Variants in AFDN observed in about 807,000 individuals in gnomAD.
AFDN encodes afadin, adherens junction formation factor.
Under a neutral mutation model 216.6 loss-of-function variants are expected in AFDN, and 68 were observed. The observed-to-expected ratio is 0.31, with a 90% CI of 0.26 to 0.38. The LOEUF (loss-of-function observed/expected upper bound fraction) is 0.38. Ranked by LOEUF, AFDN falls within the 10% of genes least tolerant of loss-of-function variation. The probability of loss-of-function intolerance (pLI) is 1.00; values close to 1 mark genes in which losing one functional copy is unlikely to be tolerated. For missense variants in AFDN, 2,136 were observed against 2,342.0 expected (o/e 0.91, Z 1.82); for synonymous variants, 868 against 853.7 (o/e 1.02, Z -0.29).
At chr6:167,924,365 C>T (rs1000941477) in intron 22 of AFDN, among the ~76,000 whole-genome samples, 4 of 152,130 alleles carry the variant, frequency 2.6e-5, no homozygotes, top group African/African-American at 9.7e-5. Context: ...ATTTTGCTTT[C>T]TCATTCTTTG....
At chr6:167,848,892 A>G (rs1194360956) in intron 1 of AFDN, among the ~76,000 whole-genome samples, 1 of 152,238 alleles carries the variant, frequency 6.6e-6, no homozygotes, top group African/African-American at 2.4e-5. Flanking sequence ...ATTGTATAGT[A>G]CAATGATTAC....
intron 1 of AFDN, among the ~76,000 whole-genome samples, chr6:167,850,885 GT>G (rs1782222613): frequency 7.1e-6 from 1 of 140,270 alleles, no homozygotes; most frequent in South Asian, 2.2e-4. Flanking sequence ...TTTTTATTGT[GT>G]GTGTGTGTGT....
intron 27 of AFDN, 144 bp from the exon 28 acceptor site, chr6:167,947,709 C>T (rs73258761): frequency 0.12 from 67,816 of 558,504 alleles, 5,800 homozygotes; most frequent in African/African-American, 0.29. Flanking sequence ...TGATTTCTTA[C>T]CTGCCTTGAT....
In AFDN at chr6:167,827,103, C is replaced by G; in HGVS notation, c.-30C>G. The G allele has an allele frequency of 8.3e-7, 1 of 1,200,340 alleles. No individual in the cohort carries two copies. The highest frequency in any genetic ancestry group is 1.1e-6 in the Non-Finnish European group (1 of 935,048). 74.4% of individuals were successfully genotyped at this position (1,200,340 alleles called of 1,614,324 possible). A position where few individuals can be genotyped will look rare whatever the true frequency, so the allele number is the denominator to read the frequency against. ...CTCGGCCCGTCCTCCGGCCCCGGCC[C>G]CGCGCGGCTGAGGAGGCGCGGCCAG... On this transcript the variant is annotated 5_prime_UTR_variant, in exon 1 of 34. Coordinates refer to ENST00000683244, the MANE Select transcript of AFDN (RefSeq NM_001386888.1).
chr6:167,946,818 A>T lies in AFDN; in HGVS notation c.3470A>T (p.Glu1157Val), dbSNP rs781045976. ...SPESPQLPWA[E>V]YSEPKKLPGD... is the part of the protein sequence containing the mutation. ...GAGAGTCCTCAGCTGCCTTGGGCAGAATATAGTGAACCAAAGAAATTGCCT... is the reference window on the plus strand; with the variant it reads ...GAGAGTCCTCAGCTGCCTTGGGCAGTATATAGTGAACCAAAGAAATTGCCT... The change falls in exon 27 of 34, where the codon GAA becomes GTA. Residue 1157 changes from glutamate (E) to valine (V), a missense_variant. This residue lies in a region of AFDN where 981 missense variants were observed against 966.0 expected (regional missense o/e 1.02). Coordinates refer to ENST00000683244, the MANE Select transcript of AFDN (RefSeq NM_001386888.1). 1.9e-5 allele frequency: 30 copies of T among 1,613,220 alleles called. No homozygotes were observed. The highest frequency in any genetic ancestry group is 2.5e-5 in the Non-Finnish European group (29 of 1,179,822).
chr6:167,916,060 C>G (rs561511040), intron 19 of AFDN, among the ~76,000 whole-genome samples: 3 of 152,206 alleles, frequency 2.0e-5, no homozygotes, highest in Non-Finnish European at 4.4e-5. Flanking sequence ...AAGTTGAAAT[C>G]AAGATGTCAG....
At position 167,914,236 on chromosome 6, in the gene AFDN, T is replaced by C. The variant is rs1158799804; in HGVS notation, c.2127T>C (p.Ile709=). ...MANASELLNF[I]KQDRDLSRIT... ...ATGCATCTGAACTTCTCAACTTCAT[T>C]AAGCAAGACCGAGACCTTAGTCGGA... Residue 709 remains isoleucine, a synonymous_variant, in exon 17 of 34, where the codon ATT becomes ATC. Coordinates refer to ENST00000683244, the MANE Select transcript of AFDN (RefSeq NM_001386888.1). 6.2e-7 allele frequency: 1 copy of C among 1,614,220 alleles called. No homozygotes were observed. Among genetic ancestry groups the C allele is most frequent in the Non-Finnish European group, 8.5e-7 (1 of 1,180,024 alleles).
At chr6:167,964,827 T>G in intron 31 of AFDN, 1 of 1,066,170 alleles carries the variant, frequency 9.4e-7, no homozygotes, top group Non-Finnish European at 1.1e-6. Context: ...TCGAGGCAGT[T>G]TATTCTGTTT....
chr6:167,910,018 A>G (rs768065941), intron 13 of AFDN, among the ~76,000 whole-genome samples: 2 of 152,212 alleles, frequency 1.3e-5, no homozygotes, highest in Non-Finnish European at 2.9e-5. Flanking sequence ...ACTTAGAGTA[A>G]TAAGTAAATG....
chr6:167,901,289 G>A (rs1187970653), intron 11 of AFDN, among the ~76,000 whole-genome samples: 1 of 152,046 alleles, frequency 6.6e-6, no homozygotes, highest in Admixed American at 6.6e-5. Flanking sequence ...TTGGTTTCCA[G>A]GTGTTTTTAG....
At chr6:167,906,587 A>G (rs1000041615) in intron 12 of AFDN, among the ~76,000 whole-genome samples, 3 of 152,158 alleles carry the variant, frequency 2.0e-5, no homozygotes, top group African/African-American at 7.2e-5. Context: ...TTGTCTGCCT[A>G]CAAATTCCAT....
intron 4 of AFDN, 78 bp from the exon 5 acceptor site, chr6:167,875,255 ATT>A: frequency 7.1e-7 from 1 of 1,402,990 alleles, no homozygotes; most frequent in South Asian, 1.4e-5. Context: ...TGCCATTTTG[ATT>A]TTTGTGCGGT....
At chr6:167,917,002 A>G (rs1360511719) in intron 19 of AFDN, 87 bp from the exon 20 acceptor site, 5 of 1,219,976 alleles carry the variant, frequency 4.1e-6, no homozygotes, top group Non-Finnish European at 5.7e-6. Flanking sequence ...TTAGCAAGTT[A>G]TATTTTTATA....
intron 15 of AFDN, among the ~76,000 whole-genome samples, chr6:167,912,898 A>G (rs952510295): frequency 1.3e-5 from 2 of 152,226 alleles, no homozygotes; most frequent in African/African-American, 2.4e-5. Flanking sequence ...TCCCTTTAGT[A>G]TAGGTGTAAG....
At chr6:167,861,170 G>A (rs1172527736) in intron 1 of AFDN, among the ~76,000 whole-genome samples, 1 of 151,298 alleles carries the variant, frequency 6.6e-6, no homozygotes, top group East Asian at 1.9e-4. Context: ...GACTAGTTTT[G>A]ATAAGATTCT....
chr6:167,880,954 A>G (rs147405566), intron 6 of AFDN, among the ~76,000 whole-genome samples: 2,217 of 152,214 alleles, frequency 0.015, 54 homozygotes, highest in African/African-American at 0.051. Context: ...TAGGTTGTTT[A>G]TGTTTCTTTA....
intron 1 of AFDN, among the ~76,000 whole-genome samples, chr6:167,834,966 G>A (rs1428330094): frequency 6.6e-6 from 1 of 152,170 alleles, no homozygotes; most frequent in Non-Finnish European, 1.5e-5. Context: ...CAGCCTGGGT[G>A]ACAGAGTGAG....
At position 167,860,859 on chromosome 6, in the gene AFDN, CCAA is replaced by C. The variant is rs534461436; in HGVS notation, c.106-3688_106-3686del. On this transcript the variant is annotated intron_variant, in intron 1 of 33. Coordinates refer to ENST00000683244, the MANE Select transcript of AFDN (RefSeq NM_001386888.1). ...CTAGGTAGGTGATGGTCTCAAGTCA[CCAA>C]CAATTTCTTTCTCTCATTTAACCAT... 1.4e-4 allele frequency among the ~76,000 whole-genome samples: 21 copies of C among 152,314 alleles called. No homozygotes were observed. In the South Asian group the frequency reaches 4.4e-3, roughly 32 times the overall value.
intron 1 of AFDN, among the ~76,000 whole-genome samples, chr6:167,847,671 A>G (rs1400226448): frequency 6.6e-6 from 1 of 152,136 alleles, no homozygotes; most frequent in Non-Finnish European, 1.5e-5. Flanking sequence ...ACTTTTCACC[A>G]TCTTTGCTTC....
Sources: allele counts gnomAD v4.1 joint callset (sites outside exome capture counted in the v4.1 genomes callset), GRCh38; gene constraint gnomAD v4.1.1; regional missense constraint gnomAD v4.1.1; transcripts MANE v1.5; gene names NCBI Gene and HGNC (gene_info 2026-07-23, HGNC 2026-07-21).